The following ADD2 variants were observed in gnomAD, a reference collection of about 807,000 sequenced individuals.
ADD2 encodes the protein beta-adducin.
ADD2 carries 23 observed loss-of-function variants against 83.0 expected under a neutral mutation model. The ratio of observed to expected loss-of-function variants is 0.28; its 90% CI spans 0.20 to 0.39. The LOEUF (loss-of-function observed/expected upper bound fraction) is 0.39, where lower values mean the gene tolerates loss of function less well. Ranked by LOEUF, ADD2 falls within the 10% of genes least tolerant of loss-of-function variation. The pLI is 1.00. For synonymous variants in ADD2, 375 were observed against 375.4 expected, an observed-to-expected ratio of 1.00 and a Z score of 0.01; for missense variants, 758 against 944.9, an observed-to-expected ratio of 0.80 and a Z score of 2.59.
Position 70,663,692 on chromosome 2 carries a change from C to A in ADD2, c.1914G>T (p.Glu638Asp), listed in dbSNP as rs782732851. The A allele has an allele frequency of 6.2e-7, 1 of 1,614,128 alleles. No individual in the cohort carries two copies. Among genetic ancestry groups the A allele is most frequent in the South Asian group, 1.1e-5 (1 of 91,078 alleles). Residue 638 changes from glutamate (E) to aspartate (D), a missense_variant, in exon 16 of 16, where the codon GAG becomes GAT. By Grantham distance (45) the Glu-to-Asp change is conservative. This residue lies in a region of ADD2 where 165 missense variants were observed against 176.2 expected (regional missense o/e 0.94). Coordinates refer to ENST00000264436, the MANE Select transcript of ADD2 (RefSeq NM_001617.4). Reference protein sequence around the residue: ...KTETSKAATTEPETTQPEGVV... With the variant: ...KTETSKAATTDPETTQPEGVV... ...CCCCTTCCGGCTGGGTTGTTTCGGGCTCTGTGGTGGCGGCTTTGCTTGTTT... is the reference window on the plus strand; with the variant it reads ...CCCCTTCCGGCTGGGTTGTTTCGGGATCTGTGGTGGCGGCTTTGCTTGTTT...
At chr2:70,732,220 G>A (rs1193869508) in intron 1 of ADD2, among the ~76,000 whole-genome samples, 1 of 152,142 alleles carries the variant, frequency 6.6e-6, no homozygotes, top group Non-Finnish European at 1.5e-5. Flanking sequence ...GAAGCCTTTA[G>A]GTCTTCACAG....
chr2:70,706,779 G>A lies in ADD2; in HGVS notation c.-34-337C>T, dbSNP rs1671929901. On this transcript the variant is annotated intron_variant, in intron 2 of 15. Transcript: ENST00000264436. This position sits in a 1 kb window ranked among gnomAD's most constrained non-coding sequence, Gnocchi z 5.0. ...TGCAGACCTTGTTGAGCATTTCTGTGATGCACACCTATGCAGTGGTAAGCT... is the reference window on the plus strand; with the variant it reads ...TGCAGACCTTGTTGAGCATTTCTGTAATGCACACCTATGCAGTGGTAAGCT... 1.3e-5 allele frequency among the ~76,000 whole-genome samples: 2 copies of A among 152,174 alleles called. No individual in the cohort carries two copies. Among genetic ancestry groups the A allele is most frequent in the African/African-American group, 2.4e-5 (1 of 41,442 alleles).
At chr2:70,755,166 C>T (rs1006970857) in intron 1 of ADD2, among the ~76,000 whole-genome samples, 1 of 152,232 alleles carries the variant, frequency 6.6e-6, no homozygotes, top group East Asian at 1.9e-4. Flanking sequence ...TGCCAAGCAA[C>T]CTGCCCTTCT....
chr2:70,669,923 C>T (rs1342777878), intron 15 of ADD2, among the ~76,000 whole-genome samples: 6 of 152,158 alleles, frequency 3.9e-5, no homozygotes, highest in Non-Finnish European at 8.8e-5. Flanking sequence ...CCAGCTGAGC[C>T]CAGCCTTCTA....
chr2:70,719,042 G>C (rs781848675), intron 1 of ADD2, among the ~76,000 whole-genome samples: 1 of 152,186 alleles, frequency 6.6e-6, no homozygotes, highest in African/African-American at 2.4e-5. Context: ...GGATTAGGAG[G>C]CAAGGAAGAG....
Position 70,663,867 on chromosome 2 carries a change from G to A in ADD2, c.1871-132C>T, listed in dbSNP as rs782670104. ...GCGAGGGGAGGGCCAGCCTGATGTT[G>A]AGGGATGGCTACCAGAGACAGATGG... is the stretch of plus-strand genomic sequence containing the variant. On this transcript the variant is annotated intron_variant, in intron 15 of 15. Transcript: ENST00000264436. The A allele has an allele frequency of 3.2e-6, 3 of 950,632 alleles. No individual in the cohort carries two copies. The African/African-American group carries it at 5.0e-5, about 16-fold the overall frequency. The allele number at this position is 950,632 out of a possible 1,614,324, so 58.9% of individuals were successfully genotyped here. A position where few individuals can be genotyped will look rare whatever the true frequency, so the allele number is the denominator to read the frequency against.
chr2:70,738,712 A>G (rs1673715700), intron 1 of ADD2, among the ~76,000 whole-genome samples: 1 of 152,248 alleles, frequency 6.6e-6, no homozygotes, highest in South Asian at 2.1e-4. Flanking sequence ...GAAGACACAC[A>G]TAAAAAGTGC....
Position 70,694,588 on chromosome 2 carries a change from T to G in ADD2, c.555+1133A>C, listed in dbSNP as rs142955319. On this transcript the variant is annotated intron_variant, in intron 6 of 15. Transcript: ENST00000264436. Reference sequence around the variant, plus strand: ...CACAGGGCTCTGGTATGCATCTGGGTTTGATGCATGCTGCACTCCTGCTAA... The same window carrying G: ...CACAGGGCTCTGGTATGCATCTGGGGTTGATGCATGCTGCACTCCTGCTAA... 6.6e-5 allele frequency among the ~76,000 whole-genome samples: 10 copies of G among 152,222 alleles called. No homozygotes were observed. The East Asian group carries it at 1.9e-3, about 29-fold the overall frequency.
chr2:70,766,269 G>T (rs1477379215), intron 1 of ADD2, among the ~76,000 whole-genome samples: 1 of 152,182 alleles, frequency 6.6e-6, no homozygotes, highest in African/African-American at 2.4e-5. Context: ...TACCAATAAT[G>T]AAAACTTTGC....
intron 1 of ADD2, among the ~76,000 whole-genome samples, chr2:70,745,299 A>G (rs868921618): frequency 3.9e-5 from 6 of 152,138 alleles, no homozygotes; most frequent in African/African-American, 1.4e-4. Flanking sequence ...ATAAAAAAAA[A>G]AGAAGATTTC....
Position 70,683,809 on chromosome 2 carries a change from G to C in ADD2, c.949-42C>G, listed in dbSNP as rs200658854. 2.5e-6 allele frequency: 4 copies of C among 1,584,856 alleles called. No individual in the cohort carries two copies. In the East Asian group the frequency reaches 9.1e-5, roughly 36 times the overall value. On this transcript the variant is annotated intron_variant, in intron 9 of 15. Transcript: ENST00000264436. ...AGAGCCCTCAGCCCATGTGCACATG[G>C]GTACCCTGCACTTATCTATGCTCCT...
intron 1 of ADD2, among the ~76,000 whole-genome samples, chr2:70,713,498 C>T (rs1311170845): frequency 1.3e-5 from 2 of 152,124 alleles, no homozygotes; most frequent in African/African-American, 4.8e-5. Flanking sequence ...GTAGTCCCAG[C>T]TACTCTGGAG....
At chr2:70,737,806 C>T (rs1673661770) in intron 1 of ADD2, among the ~76,000 whole-genome samples, 1 of 152,184 alleles carries the variant, frequency 6.6e-6, no homozygotes, top group South Asian at 2.1e-4. Context: ...CTGATTCCAT[C>T]TCCCAAAAAA....
Position 70,677,860 on chromosome 2 carries a change from C to T in ADD2, c.1401G>A (p.Glu467=). The change falls in exon 12 of 16, where the codon GAG becomes GAA. Residue 467 remains glutamate, a synonymous_variant. Coordinates refer to ENST00000264436, the MANE Select transcript of ADD2 (RefSeq NM_001617.4). The part of the protein sequence containing the change: ...RPKTTWMKAD[E]VEKSSSGMPI... The stretch of plus-strand genomic sequence containing the variant: ...GCATGCCACTGCTGGATTTCTCCAC[C>T]TCGTCAGCCTTCATCCACTGCACAA... 1 of 1,614,196 alleles carries T rather than the reference C, an allele frequency of 6.2e-7. No individual in the cohort carries two copies. The highest frequency in any genetic ancestry group is 8.5e-7 in the Non-Finnish European group (1 of 1,180,034).
intron 1 of ADD2, among the ~76,000 whole-genome samples, chr2:70,748,134 T>C (rs1193240393): frequency 6.6e-6 from 1 of 152,114 alleles, no homozygotes; most frequent in Non-Finnish European, 1.5e-5. Flanking sequence ...ACAACCTCCA[T>C]ATAGTTTTTC....
chr2:70,757,160 C>T (rs1674836719), intron 1 of ADD2, among the ~76,000 whole-genome samples: 1 of 152,048 alleles, frequency 6.6e-6, no homozygotes, highest in Admixed American at 6.6e-5. Flanking sequence ...CAGAAAGTCA[C>T]TAGACAATGA....
At chr2:70,720,397 G>GC (rs3836144) in intron 1 of ADD2, among the ~76,000 whole-genome samples, 61,663 of 151,940 alleles carry the variant, frequency 0.41, 13,122 homozygotes, top group African/African-American at 0.55. Context: ...CATCTCAAAA[G>GC]CTGAGCAGTG....
chr2:70,704,263 T>TGGGCCCCCCCCCCCCCCCCCCCCACCC, intron 4 of ADD2, 58 bp downstream of exon 4: 1 of 913,238 alleles, frequency 1.1e-6, no homozygotes, highest in Non-Finnish European at 1.7e-6. Context: ...CTCCCTCTCT[T>TGGGCCCCCCCCCCCCCCCCCCCCACCC]CCCCACCCCA....
chr2:70,675,419 C>G, intron 13 of ADD2: 3 of 985,580 alleles, frequency 3.0e-6, no homozygotes, highest in Non-Finnish European at 3.6e-6. Flanking sequence ...GCCTGTACCG[C>G]AGGTCCCTGC....
Sources: gnomAD v4.1 joint callset for allele counts (sites outside exome capture counted in the v4.1 genomes callset) on GRCh38, gnomAD v4.1.1 for gene constraint, gnomAD v4.1.1 regional missense constraint, Gnocchi (gnomAD v3.1) non-coding constraint, MANE v1.5 for transcripts, NCBI Gene and HGNC (gene_info 2026-07-23, HGNC 2026-07-21) for gene names.